Variants in PLCZ1 observed in about 807,000 individuals in gnomAD.
PLCZ1 encodes the protein 1-phosphatidylinositol 4,5-bisphosphate phosphodiesterase zeta-1.
Under a neutral mutation model 76.8 loss-of-function variants are expected in PLCZ1, and 64 were observed. The ratio of observed to expected loss-of-function variants is 0.83; its 90% CI spans 0.68 to 1.03. PLCZ1 has a LOEUF of 1.03. Ranked by LOEUF, PLCZ1 falls within the 50% of genes least tolerant of loss-of-function variation. The probability of loss-of-function intolerance (pLI) is 0.00; values close to 1 mark genes in which losing one functional copy is unlikely to be tolerated. For synonymous variants in PLCZ1, 248 were observed against 230.8 expected, an observed-to-expected ratio of 1.07 and a Z score of -0.68; for missense variants, 751 against 713.7, an observed-to-expected ratio of 1.05 and a Z score of -0.60.
the PLCZ1 span, among the ~76,000 whole-genome samples, chr12:18,653,670 A>G: frequency 1.3e-5 from 2 of 152,290 alleles, no homozygotes; most frequent in South Asian, 4.1e-4. Flanking sequence ...ATGTTTATAT[A>G]CTTAAGTCAC....
downstream of PLCZ1, among the ~76,000 whole-genome samples, chr12:18,682,390 G>C (rs572695853): frequency 2.6e-5 from 4 of 151,936 alleles, no homozygotes; most frequent in African/African-American, 9.7e-5. Context: ...GTCAAACTTT[G>C]TGCTGGGTGC....
At chr12:18,719,048 G>C (rs964316193) in intron 5 of PLCZ1, among the ~76,000 whole-genome samples, 1 of 152,162 alleles carries the variant, frequency 6.6e-6, no homozygotes, top group Non-Finnish European at 1.5e-5. Flanking sequence ...TATGTGTCCT[G>C]ATGTCTGAGA....
At position 18,737,440 on chromosome 12, in the gene PLCZ1, T is replaced by A; in HGVS notation, c.-69A>T. The A allele has an allele frequency of 6.2e-7, 1 of 1,603,660 alleles. No individual in the cohort carries two copies. Among genetic ancestry groups the A allele is most frequent in the Non-Finnish European group, 8.5e-7 (1 of 1,170,656 alleles). Reference sequence around the variant, plus strand: ...TTCCCCAGTAGGTGCTGTCATGGGTTCCAAATACAATTAACTCTGCCCCTT... The same window carrying A: ...TTCCCCAGTAGGTGCTGTCATGGGTACCAAATACAATTAACTCTGCCCCTT... On this transcript the variant is annotated 5_prime_UTR_variant, in exon 2 of 15. Coordinates refer to ENST00000266505, the MANE Select transcript of PLCZ1 (RefSeq NM_033123.4).
the PLCZ1 span, among the ~76,000 whole-genome samples, chr12:18,673,628 T>C: frequency 6.6e-6 from 1 of 152,196 alleles, no homozygotes; most frequent in Non-Finnish European, 1.5e-5. Context: ...AGAATACGCA[T>C]TAATTATCTC....
Position 18,684,274 on chromosome 12 carries a change from T to C in PLCZ1, c.1597A>G (p.Ser533Gly). 2 of 1,604,460 alleles carry C rather than the reference T, an allele frequency of 1.2e-6. No homozygotes were observed. Among genetic ancestry groups the C allele is most frequent in the Non-Finnish European group, 1.7e-6 (2 of 1,172,816 alleles). Residue 533 changes from serine (S) to glycine (G), a missense_variant, in exon 14 of 15, where the codon AGT (serine) becomes GGT (glycine). By Grantham distance (56) the Ser-to-Gly change is moderately conservative (BLOSUM62 0). Coordinates refer to ENST00000266505, the MANE Select transcript of PLCZ1 (RefSeq NM_033123.4). ...GTGAATGTTTCATTCCATCTTGGAC[T>C]AAAAGCTGAAATATAAAAAAAGAAG... ...QTRVIKKNAF[S>G]PRWNETFTFI...
chr12:18,701,092 C>G (rs570146629), intron 9 of PLCZ1, among the ~76,000 whole-genome samples: 21 of 151,890 alleles, frequency 1.4e-4, no homozygotes, highest in African/African-American at 4.8e-4. Flanking sequence ...TCAAGCAATT[C>G]TCCTGCTTCA....
At chr12:18,718,452 G>C (rs762865703) in intron 5 of PLCZ1, among the ~76,000 whole-genome samples, 2 of 152,042 alleles carry the variant, frequency 1.3e-5, no homozygotes, top group Non-Finnish European at 2.9e-5. Context: ...TGCTCTACAA[G>C]ATCCTCATTA....
chr12:18,736,869 A>G, intron 2 of PLCZ1: 1 of 433,744 alleles, frequency 2.3e-6, no homozygotes, highest in East Asian at 7.0e-5. Context: ...CATTAGTCCA[A>G]TGCCCAGCTA....
At chr12:18,699,243 G>A (rs186745547) in intron 10 of PLCZ1, among the ~76,000 whole-genome samples, 6 of 152,242 alleles carry the variant, frequency 3.9e-5, no homozygotes, top group East Asian at 3.9e-4. Context: ...TAGGCATAGA[G>A]CCTCCAAGTC....
At chr12:18,683,714 A>T in intron 14 of PLCZ1, 1 of 1,003,876 alleles carries the variant, frequency 1.0e-6, no homozygotes, top group Non-Finnish European at 1.4e-6. Context: ...TGCAACATAA[A>T]GGTAGTCAGC....
intron 14 of PLCZ1, 36 bp from the exon 15 acceptor site, chr12:18,683,360 C>A (rs1367257627): frequency 6.3e-7 from 1 of 1,594,250 alleles, no homozygotes; most frequent in Admixed American, 1.7e-5. Flanking sequence ...GACCAATAAC[C>A]AATTAATCAG....
chr12:18,665,033 G>A, the PLCZ1 span, among the ~76,000 whole-genome samples: 1 of 148,470 alleles, frequency 6.7e-6, no homozygotes, highest in Non-Finnish European at 1.5e-5. Context: ...GGGAGGGATA[G>A]CATTAGGAAA....
chr12:18,736,137 G>A (rs755123071), intron 3 of PLCZ1, 84 bp downstream of exon 3: 139 of 1,474,594 alleles, frequency 9.4e-5, no homozygotes, highest in Non-Finnish European at 1.1e-4. Flanking sequence ...TTCTTCTTAA[G>A]AGACTAACCT....
At chr12:18,671,015 T>C in the PLCZ1 span, among the ~76,000 whole-genome samples, 1 of 151,462 alleles carries the variant, frequency 6.6e-6, no homozygotes, top group Non-Finnish European at 1.5e-5. Flanking sequence ...CTGTCTCCAC[T>C]AAAATACAAA....
intron 7 of PLCZ1, among the ~76,000 whole-genome samples, chr12:18,704,342 T>C (rs1956317353): frequency 2.0e-5 from 3 of 151,894 alleles, no homozygotes; most frequent in Admixed American, 2.0e-4. Context: ...TTTTTTTCAA[T>C]ATGAAGGAGT....
chr12:18,720,051 G>T (rs1480350698), intron 4 of PLCZ1, among the ~76,000 whole-genome samples: 2 of 152,014 alleles, frequency 1.3e-5, no homozygotes, highest in Admixed American at 1.3e-4. Context: ...ATCTGACTTC[G>T]AAAAGCATAG....
At chr12:18,684,313 T>A (rs1395636393) in intron 13 of PLCZ1, 34 bp from the exon 14 acceptor site, 1 of 1,561,516 alleles carries the variant, frequency 6.4e-7, no homozygotes, top group African/African-American at 1.4e-5. Context: ...CAAAGAATAA[T>A]AGATACCATA....
At chr12:18,683,388 T>G in intron 14 of PLCZ1, 64 bp from the exon 15 acceptor site, 1 of 1,545,032 alleles carries the variant, frequency 6.5e-7, no homozygotes, top group Non-Finnish European at 8.9e-7. Context: ...TCCAATAGCC[T>G]TGCTGAGAAA....
intron 13 of PLCZ1, among the ~76,000 whole-genome samples, chr12:18,684,555 A>G (rs1952807200): frequency 6.6e-6 from 1 of 152,038 alleles, no homozygotes; most frequent in Non-Finnish European, 1.5e-5. Context: ...AGCCACAAAG[A>G]TGTTACATAA....
Sources: gnomAD v4.1 joint callset for allele counts (sites outside exome capture counted in the v4.1 genomes callset) on GRCh38, gnomAD v4.1.1 for gene constraint, MANE v1.5 for transcripts, NCBI Gene and HGNC (gene_info 2026-07-23, HGNC 2026-07-21) for gene names.